The following NAALADL2 variants were observed in gnomAD, a reference collection of about 807,000 sequenced individuals.
NAALADL2 encodes the protein inactive N-acetylated-alpha-linked acidic dipeptidase-like protein 2.
In NAALADL2, 76 loss-of-function variants were observed where a neutral mutation model predicts 87.2. The observed-to-expected ratio is 0.87, with a 90% CI of 0.72 to 1.05. The LOEUF is 1.05. NAALADL2 is among the 50% of genes least tolerant of loss of function. The probability of loss-of-function intolerance (pLI) is 0.00; values close to 1 mark genes in which losing one functional copy is unlikely to be tolerated. For missense variants in NAALADL2, 1,089 were observed against 945.8 expected (o/e 1.15, Z -1.99); for synonymous variants, 354 against 331.0 (o/e 1.07, Z -0.75).
At chr3:174,898,342 G>A (rs1048087132) in intron 1 of NAALADL2, among the ~76,000 whole-genome samples, 1 of 151,026 alleles carries the variant, frequency 6.6e-6, no homozygotes, top group Admixed American at 6.6e-5. Flanking sequence ...GGTAGAGGGG[G>A]GTTAGGAGGA....
chr3:174,966,898 A>G (rs1246544905), intron 1 of NAALADL2, among the ~76,000 whole-genome samples: 1 of 152,174 alleles, frequency 6.6e-6, no homozygotes, highest in Non-Finnish European at 1.5e-5. Context: ...ATAGAGTAAG[A>G]GATTCCCCCA....
At chr3:175,009,004 T>C (rs1749430350) in intron 1 of NAALADL2, among the ~76,000 whole-genome samples, 1 of 152,230 alleles carries the variant, frequency 6.6e-6, no homozygotes, top group African/African-American at 2.4e-5. Context: ...CATATTCATC[T>C]AATATGTAAA....
chr3:174,539,230 A>G (rs1445459826), intron 1 of NAALADL2, among the ~76,000 whole-genome samples: 1 of 152,164 alleles, frequency 6.6e-6, no homozygotes, highest in Non-Finnish European at 1.5e-5. Context: ...ACTCTAGAAA[A>G]TATATACTCA....
At chr3:175,337,967 G>A (rs1244309899) in intron 5 of NAALADL2, among the ~76,000 whole-genome samples, 5 of 152,204 alleles carry the variant, frequency 3.3e-5, no homozygotes, top group East Asian at 1.9e-4. Context: ...TGAGAGTGGT[G>A]TATGGAAACC....
chr3:174,869,746 C>T lies in NAALADL2; in HGVS notation c.43+10296C>T, dbSNP rs143433081. ...GGAAAGCACTAGGAAAAAAATAAAA[C>T]GCACTTTGGGAGGCCAAGACGTATG... On this transcript the variant is annotated intron_variant, in intron 1 of 13. Coordinates refer to ENST00000454872, the MANE Select transcript of NAALADL2 (RefSeq NM_207015.3). Among the ~76,000 whole-genome samples, 244 of 151,914 alleles carry T rather than the reference C, an allele frequency of 1.6e-3. 1 individual carries two copies. Among genetic ancestry groups the T allele is most frequent in the African/African-American group, 5.6e-3 (234 of 41,456 alleles).
chr3:175,029,292 G>A lies in NAALADL2; in HGVS notation c.44-67498G>A, dbSNP rs146577467. Among the ~76,000 whole-genome samples, 17 of 151,918 alleles carry A rather than the reference G, an allele frequency of 1.1e-4. No homozygotes were observed. In the East Asian group the frequency reaches 2.3e-3, roughly 21 times the overall value. On this transcript the variant is annotated intron_variant, in intron 1 of 13. Transcript: ENST00000454872. Reference sequence around the variant, plus strand: ...TCTTGTGCCCAACTGCTTCCCTTACGTTCATTCAGGTAGAGCTGAAATTCC... The same window carrying A: ...TCTTGTGCCCAACTGCTTCCCTTACATTCATTCAGGTAGAGCTGAAATTCC...
intron 1 of NAALADL2, among the ~76,000 whole-genome samples, chr3:174,994,455 T>C (rs979026294): frequency 6.6e-6 from 1 of 152,198 alleles, no homozygotes; most frequent in Non-Finnish European, 1.5e-5. Flanking sequence ...ATATAACTTA[T>C]TTTTAGTCAG....
At chr3:175,014,265 A>G (rs573211616) in intron 1 of NAALADL2, among the ~76,000 whole-genome samples, 2 of 152,122 alleles carry the variant, frequency 1.3e-5, no homozygotes, top group East Asian at 1.9e-4. Flanking sequence ...AGGTATCTGT[A>G]TGGGTTACTC....
At chr3:175,338,701 T>G (rs1469288300) in intron 5 of NAALADL2, among the ~76,000 whole-genome samples, 1 of 145,376 alleles carries the variant, frequency 6.9e-6, no homozygotes, top group Non-Finnish European at 1.5e-5. Context: ...CCAGAACTGA[T>G]GTGAAGAGTT....
chr3:175,466,618 A>G (rs1183360763), intron 7 of NAALADL2, among the ~76,000 whole-genome samples: 1 of 152,194 alleles, frequency 6.6e-6, no homozygotes, highest in Non-Finnish European at 1.5e-5. Flanking sequence ...TAGTTTATTA[A>G]TATTTACTGA....
At chr3:175,166,932 C>T (rs1251113439) in intron 2 of NAALADL2, among the ~76,000 whole-genome samples, 2 of 152,046 alleles carry the variant, frequency 1.3e-5, no homozygotes, top group Non-Finnish European at 2.9e-5. Flanking sequence ...CCCTAACTCA[C>T]CTCTAATCAA....
chr3:175,651,733 C>G (rs1389718781), intron 11 of NAALADL2, among the ~76,000 whole-genome samples: 2 of 152,156 alleles, frequency 1.3e-5, no homozygotes, highest in Non-Finnish European at 2.9e-5. Context: ...CATTTCTTAG[C>G]ATTTTGCCAA....
At chr3:175,456,365 T>G (rs1457209763) in intron 6 of NAALADL2, among the ~76,000 whole-genome samples, 1 of 152,070 alleles carries the variant, frequency 6.6e-6, no homozygotes, top group Non-Finnish European at 1.5e-5. Flanking sequence ...TCTTGAAATC[T>G]TTTAAACTTC....
At chr3:175,702,275 G>A (rs941770021) in intron 11 of NAALADL2, among the ~76,000 whole-genome samples, 1 of 152,080 alleles carries the variant, frequency 6.6e-6, no homozygotes, top group African/African-American at 2.4e-5. Context: ...ATTCAAAACT[G>A]AAAATCTGTC....
chr3:175,724,494 G>A (rs548960362), intron 11 of NAALADL2, among the ~76,000 whole-genome samples: 70 of 152,110 alleles, frequency 4.6e-4, no homozygotes, highest in African/African-American at 1.6e-3. Flanking sequence ...AAGCACTTGT[G>A]GTATTTTTTC....
chr3:174,707,406 A>T (rs1348596999), intron 2 of NAALADL2, among the ~76,000 whole-genome samples: 22 of 152,210 alleles, frequency 1.4e-4, no homozygotes, highest in African/African-American at 4.8e-4. Flanking sequence ...CAAATGTCCA[A>T]CAATGATAGA....
intron 3 of NAALADL2, among the ~76,000 whole-genome samples, chr3:174,804,925 A>G (rs1560241101): frequency 6.6e-6 from 1 of 152,174 alleles, no homozygotes; most frequent in African/African-American, 2.4e-5. Context: ...AATTATCAAT[A>G]AGAGAGGTTC....
chr3:174,953,390 C>T (rs1740701597), intron 1 of NAALADL2, among the ~76,000 whole-genome samples: 2 of 137,512 alleles, frequency 1.5e-5, no homozygotes, highest in Admixed American at 8.0e-5. Context: ...TAAATACCTA[C>T]TACGTGTCAG....
chr3:175,495,346 C>T (rs1184412551), intron 9 of NAALADL2, among the ~76,000 whole-genome samples: 1 of 152,036 alleles, frequency 6.6e-6, no homozygotes, highest in Non-Finnish European at 1.5e-5. Flanking sequence ...CCATCCTGCA[C>T]TATGCCTGAT....
Sources: gnomAD v4.1 joint callset for allele counts (sites outside exome capture counted in the v4.1 genomes callset) on GRCh38, gnomAD v4.1.1 for gene constraint, MANE v1.5 for transcripts, NCBI Gene and HGNC (gene_info 2026-07-23, HGNC 2026-07-21) for gene names.